The following DOCK3 variants were observed in gnomAD, a reference collection of about 807,000 sequenced individuals.
The protein encoded by DOCK3 is dedicator of cytokinesis 3.
In DOCK3, 60 loss-of-function variants were observed where a neutral mutation model predicts 265.6. That is an observed-to-expected ratio of 0.23 (90% CI 0.18 to 0.28). DOCK3 has a LOEUF of 0.28. Ranked by LOEUF, DOCK3 falls within the 10% of genes least tolerant of loss-of-function variation. The probability of loss-of-function intolerance (pLI) is 1.00; values close to 1 mark genes in which losing one functional copy is unlikely to be tolerated. For synonymous variants in DOCK3, 881 were observed against 938.0 expected (o/e 0.94, Z 1.11); for missense variants, 1,981 against 2,594.3 (o/e 0.76, Z 5.14).
chr3:50,926,608 G>C (rs1389429444), intron 4 of DOCK3, among the ~76,000 whole-genome samples: 2 of 152,140 alleles, frequency 1.3e-5, no homozygotes, highest in Non-Finnish European at 2.9e-5. Flanking sequence ...GATGAAAGTG[G>C]GACTTGAAAG....
chr3:50,727,703 C>T (rs2037919327), intron 1 of DOCK3, among the ~76,000 whole-genome samples: 4 of 151,540 alleles, frequency 2.6e-5, no homozygotes, highest in Non-Finnish European at 5.9e-5. Context: ...TCAAACAAAA[C>T]AAAACAAAAC....
intron 5 of DOCK3, among the ~76,000 whole-genome samples, chr3:51,045,410 C>T (rs986263797): frequency 6.6e-6 from 1 of 152,052 alleles, no homozygotes; most frequent in East Asian, 1.9e-4. Context: ...CATCAGAGAT[C>T]ACTGATCACA....
Position 51,374,652 on chromosome 3 carries a change from C to T in DOCK3, c.5412+65C>T. 6 of 1,448,606 alleles carry T rather than the reference C, an allele frequency of 4.1e-6. No individual in the cohort carries two copies. Among genetic ancestry groups the T allele is most frequent in the Non-Finnish European group, 5.7e-6 (6 of 1,051,096 alleles). The allele number at this position is 1,448,606 out of a possible 1,614,324, so 89.7% of individuals were successfully genotyped here. On this transcript the variant is annotated intron_variant, in intron 50 of 52. Coordinates refer to ENST00000266037, the MANE Select transcript of DOCK3 (RefSeq NM_004947.5). The surrounding 1 kb of genome is among the most constrained non-coding windows in gnomAD (Gnocchi z 4.8). The stretch of plus-strand genomic sequence containing the variant: ...GTGTTAGCCTGTGCTTCCCTCCTTG[C>T]ATTTGCGGGGCCTTCTGCATTGTCC...
intron 4 of DOCK3, among the ~76,000 whole-genome samples, chr3:50,918,844 G>C (rs534525866): frequency 6.6e-6 from 1 of 152,178 alleles, no homozygotes; most frequent in African/African-American, 2.4e-5. Context: ...CCATGCCTAC[G>C]ACCTGAATGG....
intron 2 of DOCK3, among the ~76,000 whole-genome samples, chr3:50,809,025 T>C (rs1030238942): frequency 6.6e-6 from 1 of 152,228 alleles, no homozygotes; most frequent in African/African-American, 2.4e-5. Flanking sequence ...CATAGGAAAC[T>C]ATTCTTGACA....
At position 51,131,459 on chromosome 3, in the gene DOCK3, CCTT is replaced by C. The variant is rs530547093; in HGVS notation, c.747-15086_747-15084del. Among the ~76,000 whole-genome samples, 3 of 152,202 alleles carry C rather than the reference CCTT, an allele frequency of 2.0e-5. No homozygotes were observed. The South Asian group carries it at 6.2e-4, about 32-fold the overall frequency. ...TAAATTGTTGGTAATGTAGTAGGGT[CCTT>C]CTTTGGGGGTACCTGGCCTCCCTCC... On this transcript the variant is annotated intron_variant, in intron 9 of 52. Coordinates refer to ENST00000266037, the MANE Select transcript of DOCK3 (RefSeq NM_004947.5).
At chr3:51,090,895 T>C (rs964282433) in intron 9 of DOCK3, among the ~76,000 whole-genome samples, 2 of 152,258 alleles carry the variant, frequency 1.3e-5, no homozygotes, top group Middle Eastern at 3.2e-3. Context: ...TTTATGGCTT[T>C]TACTTGCTTT....
intron 6 of DOCK3, among the ~76,000 whole-genome samples, chr3:51,075,051 T>G (rs910956690): frequency 3.3e-5 from 5 of 152,160 alleles, no homozygotes; most frequent in Admixed American, 2.6e-4. Context: ...ACATGACTTT[T>G]TAATGATGTA....
intron 4 of DOCK3, among the ~76,000 whole-genome samples, chr3:50,904,205 T>G (rs1329899843): frequency 2.6e-5 from 4 of 152,238 alleles, no homozygotes; most frequent in Non-Finnish European, 5.9e-5. Flanking sequence ...CTATTGTGAA[T>G]AGTGCCACAT....
At chr3:51,238,093 T>G (rs1246794307) in intron 21 of DOCK3, among the ~76,000 whole-genome samples, 2 of 145,758 alleles carry the variant, frequency 1.4e-5, no homozygotes, top group African/African-American at 5.0e-5. Context: ...AAAGACTGAA[T>G]AATGTTCCAT....
intron 22 of DOCK3, among the ~76,000 whole-genome samples, chr3:51,258,206 A>G (rs1315966663): frequency 2.0e-5 from 3 of 152,176 alleles, no homozygotes; most frequent in Admixed American, 6.5e-5. Flanking sequence ...AAACTTAAAA[A>G]CCAAACAAAA....
At chr3:51,370,591 T>C (rs930538197) in intron 49 of DOCK3, among the ~76,000 whole-genome samples, 1 of 152,254 alleles carries the variant, frequency 6.6e-6, no homozygotes, top group Non-Finnish European at 1.5e-5. Context: ...TACTGAATGC[T>C]CAGTGAGGAA....
At chr3:51,378,116 A>G (rs2088288613) in intron 51 of DOCK3, among the ~76,000 whole-genome samples, 1 of 152,144 alleles carries the variant, frequency 6.6e-6, no homozygotes, top group Admixed American at 6.5e-5. Flanking sequence ...CCTGATGCTC[A>G]TCAGATGCAG....
chr3:51,253,960 G>A (rs755995960), intron 22 of DOCK3, among the ~76,000 whole-genome samples: 1 of 152,036 alleles, frequency 6.6e-6, no homozygotes, highest in Non-Finnish European at 1.5e-5. Flanking sequence ...TGTGATGTTC[G>A]GGTGTCAATT....
At chr3:51,081,245 T>C (rs2082226761) in intron 7 of DOCK3, among the ~76,000 whole-genome samples, 2 of 152,176 alleles carry the variant, frequency 1.3e-5, no homozygotes, top group Admixed American at 6.5e-5. Flanking sequence ...ACCCATGTGA[T>C]ATGGAGCAAT....
chr3:51,148,112 T>C (rs58314480), intron 10 of DOCK3, among the ~76,000 whole-genome samples: 7,061 of 152,336 alleles, frequency 0.046, 594 homozygotes, highest in African/African-American at 0.16. Flanking sequence ...CATTTTTTCA[T>C]GTGTCTCTTA....
At position 50,921,671 on chromosome 3, in the gene DOCK3, T is replaced by C. The variant is rs182106248; in HGVS notation, c.219-12310T>C. Among the ~76,000 whole-genome samples, 422 of 152,330 alleles carry C rather than the reference T, an allele frequency of 2.8e-3. 1 individual carries two copies. Among genetic ancestry groups the C allele is most frequent in the African/African-American group, 9.6e-3 (400 of 41,578 alleles). ...TTTTCAGCTTTTCTGCTCTGGTTTC[T>C]TCCCATCTTGGTGGTTTTATCTGCC... On this transcript the variant is annotated intron_variant, in intron 4 of 52. Coordinates refer to ENST00000266037, the MANE Select transcript of DOCK3 (RefSeq NM_004947.5).
At chr3:50,872,302 A>G (rs1363950042) in intron 3 of DOCK3, among the ~76,000 whole-genome samples, 1 of 152,258 alleles carries the variant, frequency 6.6e-6, no homozygotes, top group Non-Finnish European at 1.5e-5. Context: ...TAGAGGGACC[A>G]CCTTGATGGT....
intron 27 of DOCK3, among the ~76,000 whole-genome samples, chr3:51,282,567 C>T (rs751691718): frequency 2.2e-4 from 33 of 151,056 alleles, no homozygotes; most frequent in Non-Finnish European, 4.1e-4. Flanking sequence ...GCAGGAGAAC[C>T]GCCTGAACCT....
Sources: gnomAD v4.1 joint callset for allele counts (sites outside exome capture counted in the v4.1 genomes callset) on GRCh38, gnomAD v4.1.1 for gene constraint, Gnocchi (gnomAD v3.1) non-coding constraint, MANE v1.5 for transcripts, NCBI Gene and HGNC (gene_info 2026-07-23, HGNC 2026-07-21) for gene names.